Variants in OVCH1 observed in about 807,000 individuals in gnomAD.
OVCH1 encodes ovochymase-1.
In OVCH1, 139 loss-of-function variants were observed where a neutral mutation model predicts 138.4. The observed-to-expected ratio is 1.00, with a 90% CI of 0.87 to 1.16. The LOEUF (loss-of-function observed/expected upper bound fraction) is 1.16, where lower values mean the gene tolerates loss of function less well. OVCH1 is among the 50% of genes most tolerant of loss of function. The probability of loss-of-function intolerance (pLI) is 0.00; values close to 1 mark genes in which losing one functional copy is unlikely to be tolerated. For missense variants in OVCH1, 1,367 were observed against 1,357.9 expected, an observed-to-expected ratio of 1.01 and a Z score of -0.11; for synonymous variants, 453 against 467.8, an observed-to-expected ratio of 0.97 and a Z score of 0.41.
chr12:29,442,917 A>G (rs1941524532), intron 25 of OVCH1, among the ~76,000 whole-genome samples: 1 of 152,054 alleles, frequency 6.6e-6, no homozygotes, highest in African/African-American at 2.4e-5. Context: ...CCCAAATTAA[A>G]TAAAAACAAC....
At chr12:29,464,194 T>G (rs1942235720) in intron 18 of OVCH1, among the ~76,000 whole-genome samples, 1 of 152,234 alleles carries the variant, frequency 6.6e-6, no homozygotes, top group African/African-American at 2.4e-5. Context: ...CTTTATGCTA[T>G]AACAGTAGAC....
Position 29,465,917 on chromosome 12 carries a change from A to G in OVCH1, c.1857-698T>C, listed in dbSNP as rs552254735. Among the ~76,000 whole-genome samples, 3 of 152,234 alleles carry G rather than the reference A, an allele frequency of 2.0e-5. 1 individual carries two copies. The highest frequency in any genetic ancestry group is 2.0e-4 in the Admixed American group (3 of 15,274). On this transcript the variant is annotated intron_variant, in intron 16 of 27. Coordinates refer to ENST00000318184, the Ensembl canonical transcript of OVCH1. ...ATACACCATGGAATACTACACAGCC[A>G]TAAAAAAGGATGAGTTCATGTCCTT...
chr12:29,403,318 A>G, the OVCH1 span, among the ~76,000 whole-genome samples: 1 of 152,202 alleles, frequency 6.6e-6, no homozygotes, highest in Non-Finnish European at 1.5e-5. Context: ...TGCTTTTCAA[A>G]GTTGTTTGAA....
At chr12:29,468,672 A>G (rs1210857091) in intron 16 of OVCH1, among the ~76,000 whole-genome samples, 8 of 152,180 alleles carry the variant, frequency 5.3e-5, no homozygotes, top group African/African-American at 1.4e-4. Flanking sequence ...TTCTTATAAA[A>G]ATAGGTTTTT....
At position 29,477,229 on chromosome 12, in the gene OVCH1, G is replaced by A. The variant is rs1843997606; in HGVS notation, c.1250C>T (p.Ser417Leu). 4.3e-6 allele frequency: 7 copies of A among 1,613,526 alleles called. No homozygotes were observed. The South Asian group carries it at 6.6e-5, about 15-fold the overall frequency. The change falls in exon 12 of 28, where the codon TCA becomes TTA. Residue 417 changes from serine to leucine, a missense_variant. Ser to Leu is a moderately radical substitution (Grantham distance 145, BLOSUM62 -2). Coordinates refer to ENST00000318184, the Ensembl canonical transcript of OVCH1. ...CAATATAGCCAGACTCCCACAACCT[G>A]ACCCTGTGGAAGCATTGGGGAAATT... is the stretch of plus-strand genomic sequence containing the variant.
At chr12:29,428,037 TGCTC>T (rs1344570951) in intron 27 of OVCH1, among the ~76,000 whole-genome samples, 3 of 152,316 alleles carry the variant, frequency 2.0e-5, no homozygotes, top group African/African-American at 7.2e-5. Flanking sequence ...CCTGGTCTGA[TGCTC>T]GCAGCTGGAC....
chr12:29,443,814 C>T (rs1194994803), intron 24 of OVCH1, among the ~76,000 whole-genome samples: 1 of 152,074 alleles, frequency 6.6e-6, no homozygotes, highest in Non-Finnish European at 1.5e-5. Flanking sequence ...TTGCCCCAAA[C>T]TCCCACACAT....
rs370107694 is a variant in OVCH1, at chr12:29,466,406, C to T, written c.1857-1187G>A. Among the ~76,000 whole-genome samples, 4 of 141,350 alleles carry T rather than the reference C, an allele frequency of 2.8e-5. No homozygotes were observed. The South Asian group carries it at 9.1e-4, about 32-fold the overall frequency. The allele number at this position is 141,350 out of a possible 152,430, so 92.7% of individuals were successfully genotyped here. On this transcript the variant is annotated intron_variant, in intron 16 of 27. Transcript: ENST00000318184. ...TATGTTTAAAAAATTATATCTGTGA[C>T]AAGGTAGCTTCTGGTCTATATTTTA...
At chr12:29,483,721 C>T (rs906147981) in intron 8 of OVCH1, among the ~76,000 whole-genome samples, 4 of 152,150 alleles carry the variant, frequency 2.6e-5, no homozygotes, top group Non-Finnish European at 4.4e-5. Context: ...ATCTAATTCC[C>T]TTGGCATAGA....
intron 26 of OVCH1, among the ~76,000 whole-genome samples, chr12:29,435,349 A>C (rs1941338569): frequency 6.6e-6 from 1 of 152,180 alleles, no homozygotes. Flanking sequence ...TAGACAACAT[A>C]GCGAGAACCT....
At chr12:29,445,370 G>A in exon 23 of OVCH1, 1 of 1,610,740 alleles carries the variant, frequency 6.2e-7, no homozygotes, top group Non-Finnish European at 8.5e-7. Flanking sequence ...ACTCATGAAA[G>A]TCATTGAGTA....
chr12:29,466,302 G>A (rs1942317829), intron 16 of OVCH1, among the ~76,000 whole-genome samples: 1 of 151,958 alleles, frequency 6.6e-6, no homozygotes, highest in African/African-American at 2.4e-5. Context: ...TCTTAATACT[G>A]TATTTATCTC....
At chr12:29,434,996 G>A (rs368285356) in intron 26 of OVCH1, among the ~76,000 whole-genome samples, 1 of 152,110 alleles carries the variant, frequency 6.6e-6, no homozygotes, top group South Asian at 2.1e-4. Flanking sequence ...AAGGTGACAT[G>A]GTCTAAGACT....
intron 24 of OVCH1, 126 bp from the exon 25 acceptor site, chr12:29,443,626 C>A (rs1296340378): frequency 2.1e-6 from 2 of 968,348 alleles, no homozygotes; most frequent in East Asian, 5.5e-5. Context: ...GTGTCTGTTT[C>A]CTTATGGTTG....
chr12:29,413,345 T>TA (rs1940985383), intron 3 of OVCH1, among the ~76,000 whole-genome samples: 1 of 152,170 alleles, frequency 6.6e-6, no homozygotes, highest in South Asian at 2.1e-4. Context: ...TAATCATTTT[T>TA]TAAAAATACA....
At chr12:29,422,922 G>A (rs149475624), downstream of OVCH1, among the ~76,000 whole-genome samples, 34 of 152,184 alleles carry the variant, frequency 2.2e-4, no homozygotes, top group Non-Finnish European at 4.0e-4. Context: ...AATAATAAAC[G>A]CACATACACA....
intron 3 of OVCH1, among the ~76,000 whole-genome samples, chr12:29,413,575 T>G (rs1026600596): frequency 6.6e-6 from 1 of 152,208 alleles, no homozygotes; most frequent in Non-Finnish European, 1.5e-5. Flanking sequence ...TGATATATTA[T>G]GTATTTAAAC....
chr12:29,477,891 A>T (rs11050249), intron 9 of OVCH1, among the ~76,000 whole-genome samples: 58,847 of 152,112 alleles, frequency 0.39, 12,356 homozygotes, highest in East Asian at 0.54. Context: ...AACGTCCAGT[A>T]CCTGCTATGA....
intron 16 of OVCH1, among the ~76,000 whole-genome samples, chr12:29,470,813 G>A (rs148536379): frequency 1.8e-4 from 27 of 152,216 alleles, no homozygotes; most frequent in African/African-American, 6.5e-4. Context: ...CACAATGGTT[G>A]AACTAATTTA....
Sources: allele counts gnomAD v4.1 joint callset (sites outside exome capture counted in the v4.1 genomes callset), GRCh38; gene constraint gnomAD v4.1.1; transcripts MANE v1.5; gene names NCBI Gene and HGNC (gene_info 2026-07-23, HGNC 2026-07-21).